The following UGGT2 variants were observed in gnomAD, a reference collection of about 807,000 sequenced individuals.
UGGT2 encodes the protein UDP-glucose:glycoprotein glucosyltransferase 2.
A neutral mutation model predicts 192.1 loss-of-function variants in UGGT2; 180 were observed. The observed-to-expected ratio is 0.94, with a 90% confidence interval of 0.83 to 1.06. The LOEUF (loss-of-function observed/expected upper bound fraction) is 1.06, where lower values mean the gene tolerates loss of function less well. Among genes scored for constraint, UGGT2 ranks in the 50% least tolerant of loss-of-function variants. UGGT2 has a pLI of 0.00. For synonymous variants in UGGT2, 580 were observed against 591.0 expected, an observed-to-expected ratio of 0.98 and a Z score of 0.27; for missense variants, 1,849 against 1,795.7, an observed-to-expected ratio of 1.03 and a Z score of -0.54.
intron 12 of UGGT2, among the ~76,000 whole-genome samples, chr13:95,962,841 G>C (rs375716198): frequency 1.3e-5 from 2 of 152,004 alleles, no homozygotes; most frequent in Non-Finnish European, 2.9e-5. Flanking sequence ...CAGGAAAAAG[G>C]GTTCAAAGGA....
chr13:96,039,543 C>T (rs1321918179), intron 1 of UGGT2, among the ~76,000 whole-genome samples: 2 of 152,168 alleles, frequency 1.3e-5, no homozygotes, highest in African/African-American at 2.4e-5. Context: ...CACACATTCC[C>T]AACACTGAGT....
At position 95,927,218 on chromosome 13, in the gene UGGT2, G is replaced by A. The variant is rs1228744505; in HGVS notation, c.2096C>T (p.Thr699Ile). Residue 699 changes from threonine (T) to isoleucine (I), a missense_variant, in exon 18 of 39, where the codon ACA (threonine) becomes ATA (isoleucine). Physicochemically the swap from Thr to Ile is moderately conservative, Grantham distance 89 (BLOSUM62 -1). Coordinates refer to ENST00000376747, the MANE Select transcript of UGGT2 (RefSeq NM_020121.4). ...ACAGTATAGGATTATTTTACCTGAT[G>A]TAGATATTAAATTGAGGTACTGCTG... Reference protein sequence around the residue: ...TNQQYLNLISTSVTADVEDFS... With the variant: ...TNQQYLNLISISVTADVEDFS... 3 of 1,611,108 alleles carry A rather than the reference G, an allele frequency of 1.9e-6. No homozygotes were observed. Among genetic ancestry groups the A allele is most frequent in the Non-Finnish European group, 2.5e-6 (3 of 1,177,826 alleles).
At chr13:96,022,940 A>G in intron 4 of UGGT2, 100 bp downstream of exon 4, 1 of 677,886 alleles carries the variant, frequency 1.5e-6, no homozygotes, top group Non-Finnish European at 2.2e-6. Context: ...TGAATATACA[A>G]TGTCTTAGAA....
chr13:95,918,745 C>CA (rs374612524), intron 20 of UGGT2, among the ~76,000 whole-genome samples: 3,260 of 151,974 alleles, frequency 0.021, 112 homozygotes, highest in African/African-American at 0.075. Context: ...GCCTACCAAC[C>CA]AAAAAAAGCC....
intron 29 of UGGT2, among the ~76,000 whole-genome samples, chr13:95,868,416 AGACCTC>A (rs1334797239): frequency 6.6e-6 from 1 of 150,766 alleles, no homozygotes; most frequent in Non-Finnish European, 1.5e-5. Context: ...GGCAACAGTG[AGACCTC>A]GTCTCTGCAA....
At chr13:95,813,948 T>C (rs1050843418) in intron 38 of UGGT2, among the ~76,000 whole-genome samples, 1 of 152,194 alleles carries the variant, frequency 6.6e-6, no homozygotes, top group African/African-American at 2.4e-5. Context: ...TTAGCCTCAG[T>C]GGCTGGCATG....
chr13:95,934,299 G>C (rs1360667866), intron 17 of UGGT2, among the ~76,000 whole-genome samples: 5 of 152,188 alleles, frequency 3.3e-5, no homozygotes, highest in Non-Finnish European at 7.4e-5. Context: ...CTTGATCTTG[G>C]AGTATGCTCT....
rs375759224 is a variant in UGGT2, at chr13:95,877,852, T to A, written c.3233A>T (p.Glu1078Val). 6.2e-7 allele frequency: 1 copy of A among 1,612,562 alleles called. No homozygotes were observed. The highest frequency in any genetic ancestry group is 8.5e-7 in the Non-Finnish European group (1 of 1,179,564). ...DLDNIHLKDT[E>V]KTVTAEYELE... Reference sequence around the variant, plus strand: ...TTCATATTCTGCTGTAACAGTTTTCTCAGTCTGTGGAGGAAGTATGTCATT... The same window carrying A: ...TTCATATTCTGCTGTAACAGTTTTCACAGTCTGTGGAGGAAGTATGTCATT... Residue 1078 changes from glutamate (E) to valine (V), a missense_variant, in exon 28 of 39, where the codon GAG becomes GTG. Coordinates refer to ENST00000376747, the MANE Select transcript of UGGT2 (RefSeq NM_020121.4).
At chr13:95,842,170 T>TG (rs1279349867) in intron 36 of UGGT2, among the ~76,000 whole-genome samples, 3 of 152,184 alleles carry the variant, frequency 2.0e-5, no homozygotes, top group Admixed American at 2.0e-4. Context: ...TGTGTCCTTT[T>TG]GCAATTGTTC....
intron 20 of UGGT2, among the ~76,000 whole-genome samples, chr13:95,915,442 G>T (rs2048650923): frequency 6.6e-6 from 1 of 152,168 alleles, no homozygotes; most frequent in South Asian, 2.1e-4. Context: ...CTGCACAAGA[G>T]AAAAGATCTT....
chr13:95,953,063 G>A lies in UGGT2; in HGVS notation c.1336-3609C>T, dbSNP rs547166177. 1.1e-4 allele frequency among the ~76,000 whole-genome samples: 16 copies of A among 152,038 alleles called. No homozygotes were observed. In the East Asian group the frequency reaches 2.3e-3, roughly 22 times the overall value. On this transcript the variant is annotated intron_variant, in intron 12 of 38. Coordinates refer to ENST00000376747, the MANE Select transcript of UGGT2 (RefSeq NM_020121.4). The stretch of plus-strand genomic sequence containing the variant: ...TGATTATGATTCTTAACATTACTTT[G>A]GGCATATTTTCTGTCATTTTAAATT...
chr13:95,848,473 T>G (rs1888699220), intron 36 of UGGT2, among the ~76,000 whole-genome samples: 1 of 152,176 alleles, frequency 6.6e-6, no homozygotes, highest in African/African-American at 2.4e-5. Flanking sequence ...TTCTGAAGGG[T>G]GTAAGATCTG....
chr13:95,888,998 T>G (rs1257368403), intron 25 of UGGT2, among the ~76,000 whole-genome samples: 1 of 152,116 alleles, frequency 6.6e-6, no homozygotes, highest in African/African-American at 2.4e-5. Context: ...ATTTTTTATT[T>G]TTTTAGAGAC....
chr13:95,880,358 A>C (rs1240397560), intron 27 of UGGT2, among the ~76,000 whole-genome samples: 1 of 152,234 alleles, frequency 6.6e-6, no homozygotes, highest in Non-Finnish European at 1.5e-5. Flanking sequence ...AACTCTGACA[A>C]GCTATCTGAT....
intron 27 of UGGT2, among the ~76,000 whole-genome samples, chr13:95,878,354 C>T (rs1387005092): frequency 6.6e-6 from 1 of 151,954 alleles, no homozygotes; most frequent in African/African-American, 2.4e-5. Context: ...GAAGAAAAAA[C>T]AGAACGCACC....
rs375663258 is a variant in UGGT2, at chr13:95,954,455, T to C, written c.1336-5001A>G. On this transcript the variant is annotated intron_variant, in intron 12 of 38. Transcript: ENST00000376747. ...TTAACATTAAAGCAGATCTTAAGAC[T>C]GATAGAACAGATGCTTTAAGTCTGA... 3.0e-4 allele frequency among the ~76,000 whole-genome samples: 45 copies of C among 152,318 alleles called. No individual in the cohort carries two copies. The South Asian group carries it at 8.7e-3, about 29-fold the overall frequency.
At position 95,890,979 on chromosome 13, in the gene UGGT2, A is replaced by T. The variant is rs1239889682; in HGVS notation, c.2856-15T>A. ...TCTTTATAACACTAAGAAAATAGAAAATAAGATGAAAGATGACGTGTTAAG... is the reference window on the plus strand; with the variant it reads ...TCTTTATAACACTAAGAAAATAGAATATAAGATGAAAGATGACGTGTTAAG... On this transcript the variant is annotated splice_polypyrimidine_tract_variant and intron_variant, in intron 24 of 38. Transcript: ENST00000376747. 1.7e-5 allele frequency: 27 copies of T among 1,558,726 alleles called. No individual in the cohort carries two copies. Among genetic ancestry groups the T allele is most frequent in the Non-Finnish European group, 2.4e-5 (27 of 1,135,342 alleles).
chr13:96,006,436 C>A (rs1456526461), intron 5 of UGGT2, among the ~76,000 whole-genome samples: 1 of 151,864 alleles, frequency 6.6e-6, no homozygotes, highest in Non-Finnish European at 1.5e-5. Context: ...ACCAGCCTGA[C>A]CAACATGGAG....
chr13:95,815,977 C>A, intron 38 of UGGT2, among the ~76,000 whole-genome samples: 1 of 152,098 alleles, frequency 6.6e-6, no homozygotes, highest in East Asian at 1.9e-4. Context: ...GTGTGTGGCA[C>A]CTTCCCCTTC....
Sources: gnomAD v4.1 joint callset for allele counts (sites outside exome capture counted in the v4.1 genomes callset) on GRCh38, gnomAD v4.1.1 for gene constraint, MANE v1.5 for transcripts, NCBI Gene and HGNC (gene_info 2026-07-23, HGNC 2026-07-21) for gene names.